Variants in PAPSS1 observed in about 807,000 individuals in gnomAD.
PAPSS1 encodes the protein 3'-phosphoadenosine 5'-phosphosulfate synthase 1, also known as bifunctional 3'-phosphoadenosine 5'-phosphosulfate synthase 1.
Under a neutral mutation model 72.0 loss-of-function variants are expected in PAPSS1, and 50 were observed. That is an observed-to-expected ratio of 0.69 (90% CI 0.55 to 0.88). The LOEUF is 0.88. Among genes scored for constraint, PAPSS1 ranks in the 40% least tolerant of loss-of-function variants. The probability of loss-of-function intolerance (pLI) is 0.00; values close to 1 mark genes in which losing one functional copy is unlikely to be tolerated. For synonymous variants in PAPSS1, 261 were observed against 263.6 expected, an observed-to-expected ratio of 0.99 and a Z score of 0.09; for missense variants, 657 against 782.2, an observed-to-expected ratio of 0.84 and a Z score of 1.91.
intron 11 of PAPSS1, among the ~76,000 whole-genome samples, chr4:107,621,829 C>T (rs1725970074): frequency 6.6e-6 from 1 of 151,378 alleles, no homozygotes; most frequent in African/African-American, 2.4e-5. Context: ...GGGGTTTCAC[C>T]GTGTTAGCCA....
At chr4:107,618,329 T>C (rs1578376801) in intron 11 of PAPSS1, among the ~76,000 whole-genome samples, 1 of 150,366 alleles carries the variant, frequency 6.7e-6, no homozygotes, top group Admixed American at 6.6e-5. Flanking sequence ...AAGAAAGAGA[T>C]AGAGCAGTGA....
chr4:107,665,746 G>A (rs1020678737), intron 5 of PAPSS1, among the ~76,000 whole-genome samples: 3 of 152,084 alleles, frequency 2.0e-5, no homozygotes, highest in Admixed American at 6.5e-5. Flanking sequence ...AATGTAACAC[G>A]GGGTACCCAG....
chr4:107,654,567 A>T, intron 8 of PAPSS1, 128 bp downstream of exon 8: 1 of 747,246 alleles, frequency 1.3e-6, no homozygotes, highest in Non-Finnish European at 2.3e-6. Context: ...ACAATAATCT[A>T]AGGTCCAATC....
At chr4:107,622,456 G>GA (rs1406085213) in intron 11 of PAPSS1, among the ~76,000 whole-genome samples, 1 of 152,046 alleles carries the variant, frequency 6.6e-6, no homozygotes, top group Non-Finnish European at 1.5e-5. Flanking sequence ...ACCACTAAGA[G>GA]AAAAAAATCA....
chr4:107,625,201 C>CTAA (rs3083970), intron 11 of PAPSS1, among the ~76,000 whole-genome samples: 36,439 of 152,084 alleles, frequency 0.24, 4,962 homozygotes, highest in Middle Eastern at 0.33. Flanking sequence ...AGGCAGAATT[C>CTAA]TAACATAGCC....
At chr4:107,617,045 T>C (rs1177440901) in intron 11 of PAPSS1, among the ~76,000 whole-genome samples, 1 of 152,102 alleles carries the variant, frequency 6.6e-6, no homozygotes, top group African/African-American at 2.4e-5. Context: ...TATGAGCTTG[T>C]GGGCTATCCA....
chr4:107,663,964 C>T (rs776551763), intron 5 of PAPSS1, among the ~76,000 whole-genome samples: 1 of 152,084 alleles, frequency 6.6e-6, no homozygotes, highest in Non-Finnish European at 1.5e-5. Flanking sequence ...TCTTCCAATG[C>T]GTTGGTAAGG....
chr4:107,669,173 T>C (rs1578409853), intron 5 of PAPSS1, among the ~76,000 whole-genome samples: 1 of 152,326 alleles, frequency 6.6e-6, no homozygotes, highest in African/African-American at 2.4e-5. Context: ...GAGTTTGATA[T>C]GAAAAGTACA....
intron 5 of PAPSS1, among the ~76,000 whole-genome samples, chr4:107,675,211 C>CA (rs1366426989): frequency 6.6e-6 from 1 of 151,960 alleles, no homozygotes. Context: ...AACAGAGACA[C>CA]AAAAAACTCT....
chr4:107,681,645 C>G (rs1032989871), intron 5 of PAPSS1, among the ~76,000 whole-genome samples: 1 of 152,108 alleles, frequency 6.6e-6, no homozygotes, highest in South Asian at 2.1e-4. Context: ...CTCTAAATAT[C>G]TAAGAAAAGT....
intron 9 of PAPSS1, among the ~76,000 whole-genome samples, chr4:107,652,278 G>A (rs529780641): frequency 4.6e-5 from 7 of 152,298 alleles, no homozygotes; most frequent in African/African-American, 1.7e-4. Context: ...ACTGCAGGAT[G>A]CTTCCAATTT....
intron 1 of PAPSS1, among the ~76,000 whole-genome samples, chr4:107,709,864 A>G (rs1723442480): frequency 6.6e-6 from 1 of 152,204 alleles, no homozygotes; most frequent in South Asian, 2.1e-4. Flanking sequence ...TTCAATAATA[A>G]AAGTCTCCTG....
rs1343488731 is a variant in PAPSS1 at position 107,680,773 on chromosome 4, T to C, written c.669+1242A>G. On this transcript the variant is annotated intron_variant, in intron 5 of 11. Coordinates refer to ENST00000265174, the MANE Select transcript of PAPSS1 (RefSeq NM_005443.5). ...AAGGAGGAAGCTACAAGTAGAACAA[T>C]AGGATTAGAATAAGAGTGCAGAAGT... Among the ~76,000 whole-genome samples the C allele has an allele frequency of 3.3e-5, 5 of 152,024 alleles. No homozygotes were observed. The East Asian group carries it at 7.8e-4, about 24-fold the overall frequency.
intron 3 of PAPSS1, among the ~76,000 whole-genome samples, chr4:107,693,441 G>A (rs974895103): frequency 6.6e-6 from 1 of 152,216 alleles, no homozygotes; most frequent in Non-Finnish European, 1.5e-5. Context: ...TTTCTCCGGA[G>A]TTTGACATCT....
intron 6 of PAPSS1, among the ~76,000 whole-genome samples, chr4:107,657,849 T>C (rs1451879877): frequency 1.3e-5 from 2 of 152,148 alleles, no homozygotes; most frequent in South Asian, 2.1e-4. Flanking sequence ...TGTAAAATGA[T>C]GGCATAATCA....
intron 6 of PAPSS1, among the ~76,000 whole-genome samples, chr4:107,658,962 G>A (rs888214407): frequency 2.0e-5 from 3 of 152,180 alleles, no homozygotes; most frequent in Non-Finnish European, 4.4e-5. Flanking sequence ...ATTCCATTTA[G>A]AAAAAGCTAC....
At chr4:107,623,578 T>C (rs1456809866) in intron 11 of PAPSS1, among the ~76,000 whole-genome samples, 1 of 152,200 alleles carries the variant, frequency 6.6e-6, no homozygotes, top group Non-Finnish European at 1.5e-5. Context: ...GAGCTTAAAG[T>C]AGAATGTCCT....
intron 3 of PAPSS1, among the ~76,000 whole-genome samples, chr4:107,691,981 C>T (rs1243502655): frequency 6.6e-6 from 1 of 151,048 alleles, no homozygotes; most frequent in Non-Finnish European, 1.5e-5. Context: ...CTAGAACTGG[C>T]TTGCCATATG....
rs61604092 is a variant in PAPSS1 at position 107,679,681 on chromosome 4, C to CT, written c.669+2333dup. On this transcript the variant is annotated intron_variant, in intron 5 of 11. Transcript: ENST00000265174. ...CACATGTTCAAACCATGAGGCAGGA[C>CT]TTTTTTTTTTTTTTTGAGACAGAAT... 1.4e-3 allele frequency among the ~76,000 whole-genome samples: 198 copies of CT among 142,314 alleles called. 1 individual carries two copies. Among genetic ancestry groups the CT allele is most frequent in the Middle Eastern group, 3.6e-3 (1 of 278 alleles). The allele number at this position is 142,314 out of a possible 152,430, so 93.4% of individuals were successfully genotyped here. A position where few individuals can be genotyped will look rare whatever the true frequency, so the allele number is the denominator to read the frequency against.
Sources: gnomAD v4.1 joint callset for allele counts (sites outside exome capture counted in the v4.1 genomes callset) on GRCh38, gnomAD v4.1.1 for gene constraint, MANE v1.5 for transcripts, NCBI Gene and HGNC (gene_info 2026-07-23, HGNC 2026-07-21) for gene names.